Variants in HELZ observed in about 807,000 individuals in gnomAD.
HELZ encodes the protein helicase with zinc finger, also known as ATP-dependent RNA helicase with zinc finger domain.
Under a neutral mutation model 218.2 loss-of-function variants are expected in HELZ, and 23 were observed. The ratio of observed to expected loss-of-function variants is 0.11; its 90% CI spans 0.08 to 0.15. The LOEUF (loss-of-function observed/expected upper bound fraction) is 0.15. Among genes scored for constraint, HELZ ranks in the 10% least tolerant of loss-of-function variants. The pLI, the probability that HELZ is intolerant of heterozygous loss-of-function variation, is 1.00. For missense variants in HELZ, 1,813 were observed against 2,353.7 expected (o/e 0.77, Z 4.75); for synonymous variants, 814 against 829.4 (o/e 0.98, Z 0.32).
At chr17:67,152,073 T>A (rs2038701094) in intron 17 of HELZ, among the ~76,000 whole-genome samples, 1 of 152,232 alleles carries the variant, frequency 6.6e-6, no homozygotes, top group South Asian at 2.1e-4. Context: ...AGGACTATTC[T>A]GTTTCTCTGG....
Position 67,070,587 on chromosome 17 carries a change from T to A in HELZ, c.*7665A>T, listed in dbSNP as rs2035862497. On this transcript the variant is annotated 3_prime_UTR_variant, in exon 33 of 33. Transcript: ENST00000358691. ...CTGTAGACCCCAAGTTGAAAACTTG[T>A]TCTATGGAACCAAAGTAGCTAACGT... The A allele has an allele frequency of 6.6e-6, 1 of 152,192 alleles. No homozygotes were observed. The highest frequency in any genetic ancestry group is 1.5e-5 in the Non-Finnish European group (1 of 68,034). The allele number at this position is 152,192 out of a possible 1,614,324, so 9.4% of individuals were successfully genotyped here.
At chr17:67,089,694 G>GAGAGAGAGAGAGAGACAGAGAC in intron 31 of HELZ, among the ~76,000 whole-genome samples, 1 of 100,696 alleles carries the variant, frequency 9.9e-6, no homozygotes, top group Admixed American at 1.1e-4. Flanking sequence ...GAGAGAGAGA[G>GAGAGAGAGAGAGAGACAGAGAC]AGAGAGACAG....
chr17:67,165,400 C>G (rs914328617), intron 15 of HELZ, among the ~76,000 whole-genome samples: 2 of 152,176 alleles, frequency 1.3e-5, no homozygotes, highest in Admixed American at 6.5e-5. Flanking sequence ...TCCGTGCTCA[C>G]TCTTCCCCTG....
chr17:67,190,833 C>T (rs1479251085), intron 9 of HELZ, among the ~76,000 whole-genome samples: 1 of 152,188 alleles, frequency 6.6e-6, no homozygotes, highest in African/African-American at 2.4e-5. Context: ...CCTCAGCCTC[C>T]CGGGTAGCTG....
chr17:67,130,933 G>C (rs2037961757), intron 23 of HELZ, among the ~76,000 whole-genome samples: 1 of 152,140 alleles, frequency 6.6e-6, no homozygotes, highest in Non-Finnish European at 1.5e-5. Flanking sequence ...TCAGAGTGAA[G>C]GGCAGGAGGG....
chr17:67,219,921 T>C (rs1010256866), intron 3 of HELZ, among the ~76,000 whole-genome samples: 4 of 152,126 alleles, frequency 2.6e-5, no homozygotes, highest in African/African-American at 9.7e-5. Flanking sequence ...GGTGGAAAAC[T>C]TGGACACAGA....
At chr17:67,214,410 C>T (rs952611669) in intron 5 of HELZ, among the ~76,000 whole-genome samples, 3 of 151,410 alleles carry the variant, frequency 2.0e-5, no homozygotes, top group African/African-American at 4.9e-5. Context: ...GGATTACAGG[C>T]GTGCACCACC....
chr17:67,082,860 G>GT (rs1181656722), intron 32 of HELZ, among the ~76,000 whole-genome samples: 2,858 of 121,922 alleles, frequency 0.023, 21 homozygotes, highest in Admixed American at 0.033. Flanking sequence ...TTTTTTTTTT[G>GT]TTTTTTTTTT....
chr17:67,158,635 T>C (rs1003108964), intron 17 of HELZ, among the ~76,000 whole-genome samples: 2 of 152,230 alleles, frequency 1.3e-5, no homozygotes, highest in Admixed American at 1.3e-4. Context: ...TGCATTTGAA[T>C]ATATTTATAA....
At chr17:67,184,008 T>TAA (rs34266393) in intron 12 of HELZ, among the ~76,000 whole-genome samples, 28 of 146,556 alleles carry the variant, frequency 1.9e-4, no homozygotes, top group Admixed American at 8.2e-4. Flanking sequence ...CAGTAATATT[T>TAA]AAAAAAAAAA....
chr17:67,133,308 A>C (rs183650326), intron 23 of HELZ, among the ~76,000 whole-genome samples: 1 of 152,200 alleles, frequency 6.6e-6, no homozygotes, highest in African/African-American at 2.4e-5. Context: ...AATTCTGAGA[A>C]CATGGCCTCA....
intron 31 of HELZ, among the ~76,000 whole-genome samples, chr17:67,098,813 C>T (rs1330198351): frequency 4.6e-5 from 7 of 152,162 alleles, no homozygotes; most frequent in African/African-American, 7.2e-5. Context: ...TTGATAGACT[C>T]GCTAAAATAT....
At chr17:67,182,612 T>C (rs533728280) in intron 12 of HELZ, among the ~76,000 whole-genome samples, 60 of 152,358 alleles carry the variant, frequency 3.9e-4, no homozygotes, top group African/African-American at 1.4e-3. Flanking sequence ...TGAGATGTGC[T>C]AGGCAAAAAC....
At chr17:67,161,936 G>A (rs370293341) in intron 15 of HELZ, among the ~76,000 whole-genome samples, 2 of 152,052 alleles carry the variant, frequency 1.3e-5, no homozygotes, top group East Asian at 1.9e-4. Context: ...AAAATGAGAG[G>A]GATGTGAATC....
At chr17:67,196,092 T>A (rs967316173) in intron 7 of HELZ, among the ~76,000 whole-genome samples, 1 of 152,048 alleles carries the variant, frequency 6.6e-6, no homozygotes, top group Non-Finnish European at 1.5e-5. Flanking sequence ...CCTCAGGTGA[T>A]CCGCCCGCCT....
intron 3 of HELZ, among the ~76,000 whole-genome samples, chr17:67,231,492 T>A (rs1312577949): frequency 6.9e-6 from 1 of 144,856 alleles, no homozygotes; most frequent in African/African-American, 2.6e-5. Context: ...ACTCGGGAGG[T>A]TGAGGAAGGA....
In HELZ at chr17:67,125,343, T is replaced by TATATATATACAC. The variant is rs1555605956; in HGVS notation, c.3388-1330_3388-1329insGTGTATATATAT. On this transcript the variant is annotated intron_variant, in intron 24 of 32. Coordinates refer to ENST00000358691, the MANE Select transcript of HELZ (RefSeq NM_014877.4). ...ATATATATATATATATATATATATA[T>TATATATATACAC]ATACTTGTGAGGAATAGAGACGTGA... is the stretch of plus-strand genomic sequence containing the variant. 4.9e-5 allele frequency among the ~76,000 whole-genome samples: 3 copies of TATATATATACAC among 61,398 alleles called. 1 individual carries two copies. The highest frequency in any genetic ancestry group is 6.9e-5 in the African/African-American group (1 of 14,406). 40.3% of individuals were successfully genotyped at this position (61,398 alleles called of 152,430 possible).
At chr17:67,201,803 C>T (rs570821362) in intron 6 of HELZ, among the ~76,000 whole-genome samples, 3 of 152,162 alleles carry the variant, frequency 2.0e-5, no homozygotes, top group African/African-American at 7.2e-5. Context: ...GAGATATATT[C>T]CTTTATTATC....
chr17:67,215,104 AC>A (rs1443448205), intron 5 of HELZ, among the ~76,000 whole-genome samples: 1 of 151,544 alleles, frequency 6.6e-6, no homozygotes, highest in Non-Finnish European at 1.5e-5. Context: ...TGATCACCCC[AC>A]CCCACTCCAG....
Sources: gnomAD v4.1 joint callset for allele counts (sites outside exome capture counted in the v4.1 genomes callset) on GRCh38, gnomAD v4.1.1 for gene constraint, MANE v1.5 for transcripts, NCBI Gene and HGNC (gene_info 2026-07-23, HGNC 2026-07-21) for gene names.